The following NCOA2 variants were observed in gnomAD, a reference collection of about 807,000 sequenced individuals.
NCOA2 encodes the protein nuclear receptor coactivator 2.
In NCOA2, 21 loss-of-function variants were observed where a neutral mutation model predicts 145.1. That is an observed-to-expected ratio of 0.14 (90% CI 0.10 to 0.21). NCOA2 has a LOEUF of 0.21. Ranked by LOEUF, NCOA2 falls within the 10% of genes least tolerant of loss-of-function variation. The pLI is 1.00. For synonymous variants in NCOA2, 619 were observed against 637.5 expected, an observed-to-expected ratio of 0.97 and a Z score of 0.44; for missense variants, 1,472 against 1,837.6, an observed-to-expected ratio of 0.80 and a Z score of 3.64.
chr8:70,417,920 C>G, the NCOA2 span, among the ~76,000 whole-genome samples: 830 of 149,544 alleles, frequency 5.6e-3, 5 homozygotes, highest in African/African-American at 0.019. Flanking sequence ...TTCAGAGGCA[C>G]GAGAGAGCCA....
chr8:70,305,020 T>C (rs913961554), intron 1 of NCOA2, among the ~76,000 whole-genome samples: 3 of 151,292 alleles, frequency 2.0e-5, no homozygotes, highest in African/African-American at 7.3e-5. Flanking sequence ...CCACCACACC[T>C]GGCTGATTTT....
At chr8:70,389,272 C>T (rs563838522) in intron 1 of NCOA2, among the ~76,000 whole-genome samples, 27 of 152,084 alleles carry the variant, frequency 1.8e-4, no homozygotes, top group Middle Eastern at 6.8e-3. Context: ...AAACTCCCTC[C>T]AACAGGCCAA....
intron 1 of NCOA2, among the ~76,000 whole-genome samples, chr8:70,382,436 G>A (rs2131453475): frequency 6.6e-6 from 1 of 152,256 alleles, no homozygotes; most frequent in African/African-American, 2.4e-5. Context: ...GGAAGAAAGA[G>A]AACAAAGAAA....
At chr8:70,319,727 A>G (rs1805895447) in intron 1 of NCOA2, among the ~76,000 whole-genome samples, 1 of 152,188 alleles carries the variant, frequency 6.6e-6, no homozygotes, top group Non-Finnish European at 1.5e-5. Context: ...AATTGCTAAC[A>G]TCAATTATAA....
chr8:70,125,259 CTTATTA>C (rs955907784), intron 19 of NCOA2, among the ~76,000 whole-genome samples: 27 of 151,836 alleles, frequency 1.8e-4, no homozygotes, highest in African/African-American at 5.1e-4. Flanking sequence ...TTAAATTAAG[CTTATTA>C]TTATTATTTT....
intron 22 of NCOA2, among the ~76,000 whole-genome samples, chr8:70,118,541 A>C (rs560221194): frequency 1.3e-5 from 2 of 152,286 alleles, no homozygotes; most frequent in Non-Finnish European, 2.9e-5. Context: ...CCGCATGGAG[A>C]ATATGCACAC....
intron 2 of NCOA2, among the ~76,000 whole-genome samples, chr8:70,242,368 C>T (rs1438846448): frequency 3.3e-5 from 5 of 151,978 alleles, no homozygotes; most frequent in African/African-American, 9.7e-5. Flanking sequence ...TAAAATAATG[C>T]AAATGTATGT....
rs564408015 is a variant in NCOA2 at position 70,122,695 on chromosome 8, T to C, written c.4293+1189A>G. Among the ~76,000 whole-genome samples, 15 of 152,376 alleles carry C rather than the reference T, an allele frequency of 9.8e-5. No homozygotes were observed. In the South Asian group the frequency reaches 3.1e-3, roughly 32 times the overall value. On this transcript the variant is annotated intron_variant, in intron 21 of 22. Coordinates refer to ENST00000452400, the MANE Select transcript of NCOA2 (RefSeq NM_006540.4). Reference sequence around the variant, plus strand: ...GCAAAGGGCTTTAAATTTTCTCATGTACCACTTTCCATTTTTATTAATCGT... The same window carrying C: ...GCAAAGGGCTTTAAATTTTCTCATGCACCACTTTCCATTTTTATTAATCGT...
At chr8:70,386,439 T>C (rs919408095) in intron 1 of NCOA2, among the ~76,000 whole-genome samples, 46 of 152,156 alleles carry the variant, frequency 3.0e-4, no homozygotes, top group African/African-American at 1.1e-3. Context: ...TCTAGTGCTT[T>C]CAGGGAGAAC....
chr8:70,346,325 T>A (rs1252452765), intron 1 of NCOA2, among the ~76,000 whole-genome samples: 1 of 152,200 alleles, frequency 6.6e-6, no homozygotes, highest in Non-Finnish European at 1.5e-5. Context: ...CCACTGGGTG[T>A]AAATATCAAA....
intron 2 of NCOA2, among the ~76,000 whole-genome samples, chr8:70,238,714 CTTGAG>C (rs1194781383): frequency 1.3e-5 from 2 of 152,168 alleles, no homozygotes; most frequent in Non-Finnish European, 2.9e-5. Flanking sequence ...CCAAATCTTC[CTTGAG>C]TTATGTCACT....
chr8:70,218,324 C>T (rs1466411550), intron 2 of NCOA2, among the ~76,000 whole-genome samples: 1 of 151,344 alleles, frequency 6.6e-6, no homozygotes, highest in East Asian at 1.9e-4. Context: ...GAATAATTCT[C>T]AAAGCTGATA....
intron 2 of NCOA2, among the ~76,000 whole-genome samples, chr8:70,275,201 G>A (rs1414552304): frequency 1.3e-5 from 2 of 152,120 alleles, no homozygotes; most frequent in African/African-American, 2.4e-5. Context: ...CTCATTTAGA[G>A]TTATCAAACT....
At chr8:70,258,286 T>G (rs1350877759) in intron 2 of NCOA2, among the ~76,000 whole-genome samples, 1 of 152,258 alleles carries the variant, frequency 6.6e-6, no homozygotes, top group African/African-American at 2.4e-5. Flanking sequence ...AAATCTTGTC[T>G]GCTGATGCAG....
intron 1 of NCOA2, among the ~76,000 whole-genome samples, chr8:70,403,387 G>C (rs1814564401): frequency 6.6e-6 from 1 of 151,356 alleles, no homozygotes; most frequent in Non-Finnish European, 1.5e-5. Flanking sequence ...TCCGGGACTC[G>C]TCTCCTGAGC....
At chr8:70,263,755 C>A (rs939955652) in intron 2 of NCOA2, among the ~76,000 whole-genome samples, 14 of 151,590 alleles carry the variant, frequency 9.2e-5, no homozygotes, top group African/African-American at 3.4e-4. Flanking sequence ...AACAAAATCA[C>A]CCTACAGTTA....
At chr8:70,281,635 C>T (rs1825893416) in intron 2 of NCOA2, among the ~76,000 whole-genome samples, 4 of 152,142 alleles carry the variant, frequency 2.6e-5, no homozygotes, top group Admixed American at 2.6e-4. Context: ...TAACAACACT[C>T]AACAGAATCA....
At chr8:70,219,491 G>A (rs889025918) in intron 2 of NCOA2, among the ~76,000 whole-genome samples, 4 of 152,168 alleles carry the variant, frequency 2.6e-5, no homozygotes, top group African/African-American at 4.8e-5. Context: ...CAAGGGGAAA[G>A]TGGGGTGGAG....
intron 16 of NCOA2, among the ~76,000 whole-genome samples, chr8:70,129,965 C>T (rs1808903520): frequency 6.6e-6 from 1 of 152,192 alleles, no homozygotes; most frequent in Non-Finnish European, 1.5e-5. Flanking sequence ...CCACCACGCC[C>T]AGCCTCAAGT....
Sources: allele counts gnomAD v4.1 joint callset (sites outside exome capture counted in the v4.1 genomes callset), GRCh38; gene constraint gnomAD v4.1.1; transcripts MANE v1.5; gene names NCBI Gene and HGNC (gene_info 2026-07-23, HGNC 2026-07-21).